Variants in HCN1 observed in about 807,000 individuals in gnomAD.
HCN1 encodes potassium/sodium hyperpolarization-activated cyclic nucleotide-gated channel 1.
A neutral mutation model predicts 78.9 loss-of-function variants in HCN1; 13 were observed. That is an observed-to-expected ratio of 0.16 (90% CI 0.11 to 0.26). The LOEUF is 0.26. Among genes scored for constraint, HCN1 ranks in the 10% least tolerant of loss-of-function variants. The pLI is 1.00. For synonymous variants in HCN1, 552 were observed against 455.5 expected, an observed-to-expected ratio of 1.21 and a Z score of -2.70; for missense variants, 810 against 1,154.3, an observed-to-expected ratio of 0.70 and a Z score of 4.32.
At chr5:45,477,503 T>C (rs772584009) in intron 2 of HCN1, among the ~76,000 whole-genome samples, 1 of 152,150 alleles carries the variant, frequency 6.6e-6, no homozygotes, top group African/African-American at 2.4e-5. Context: ...TAGCTCATAG[T>C]TTTATTGGTG....
chr5:45,501,618 T>G (rs1249344070), intron 2 of HCN1, among the ~76,000 whole-genome samples: 1 of 152,054 alleles, frequency 6.6e-6, no homozygotes, highest in African/African-American at 2.4e-5. Flanking sequence ...TTTTTGTACT[T>G]TTAGTAGAGA....
At chr5:45,499,034 T>C (rs1742125733) in intron 2 of HCN1, among the ~76,000 whole-genome samples, 2 of 152,100 alleles carry the variant, frequency 1.3e-5, no homozygotes, top group Admixed American at 1.3e-4. Flanking sequence ...CTGCTGTCTT[T>C]TTTTGTCTGT....
At chr5:45,600,313 ACTTT>A (rs1169739715) in intron 2 of HCN1, among the ~76,000 whole-genome samples, 2 of 152,080 alleles carry the variant, frequency 1.3e-5, no homozygotes, top group African/African-American at 4.8e-5. Flanking sequence ...TATTTTTCCT[ACTTT>A]CTCTCTTTTT....
intron 2 of HCN1, among the ~76,000 whole-genome samples, chr5:45,528,480 G>T (rs1742783449): frequency 6.6e-6 from 1 of 151,818 alleles, no homozygotes; most frequent in Admixed American, 6.6e-5. Flanking sequence ...TTCTGACAAA[G>T]AATTTTTCAT....
chr5:45,671,375 G>T (rs1036592901), intron 1 of HCN1, among the ~76,000 whole-genome samples: 4 of 151,078 alleles, frequency 2.6e-5, no homozygotes, highest in Non-Finnish European at 4.4e-5. Context: ...TAGATTATCT[G>T]CTATTATATA....
chr5:45,606,890 T>C (rs1005499345), intron 2 of HCN1, among the ~76,000 whole-genome samples: 1 of 152,008 alleles, frequency 6.6e-6, no homozygotes, highest in African/African-American at 2.4e-5. Context: ...GAAACTTCTA[T>C]AATGTATTAA....
chr5:45,359,941 G>GTATATA lies in HCN1; in HGVS notation c.1231-6701_1231-6696dup, dbSNP rs145289641. On this transcript the variant is annotated intron_variant, in intron 4 of 7. Coordinates refer to ENST00000303230, the MANE Select transcript of HCN1 (RefSeq NM_021072.4). ...CTATATTCTTGACTTTTGACTTTGA[G>GTATATA]TATATATATATATATATATTTTTTT... is the stretch of plus-strand genomic sequence containing the variant. 6.0e-3 allele frequency among the ~76,000 whole-genome samples: 889 copies of GTATATA among 147,022 alleles called. 3 individuals carry two copies. The highest frequency in any genetic ancestry group is 0.021 in the African/African-American group (858 of 40,316).
intron 3 of HCN1, among the ~76,000 whole-genome samples, chr5:45,408,649 T>C (rs1739972574): frequency 6.6e-6 from 1 of 152,182 alleles, no homozygotes; most frequent in Admixed American, 6.6e-5. Flanking sequence ...CATTGCTAAG[T>C]ACTATTAATG....
chr5:45,428,486 C>G lies in HCN1; in HGVS notation c.1012-31776G>C, dbSNP rs566830902. On this transcript the variant is annotated intron_variant, in intron 3 of 7. Coordinates refer to ENST00000303230, the MANE Select transcript of HCN1 (RefSeq NM_021072.4). ...TCATTTAAAAAAAATTCATGTCACT[C>G]TAATTCACTGTGTACTCATAAATTT... Among the ~76,000 whole-genome samples the G allele has an allele frequency of 2.6e-5, 4 of 152,146 alleles. No individual in the cohort carries two copies. In the Middle Eastern group the frequency reaches 0.01, roughly 388 times the overall value.
chr5:45,467,969 T>C (rs912063240), intron 2 of HCN1, among the ~76,000 whole-genome samples: 1 of 152,144 alleles, frequency 6.6e-6, no homozygotes, highest in Non-Finnish European at 1.5e-5. Context: ...AGAGCTGGCC[T>C]GCCTTACAGG....
At chr5:45,685,368 C>G (rs939300043) in intron 1 of HCN1, among the ~76,000 whole-genome samples, 2 of 152,136 alleles carry the variant, frequency 1.3e-5, no homozygotes, top group African/African-American at 4.8e-5. Flanking sequence ...CGGTAGCATT[C>G]TATACCAACT....
intron 1 of HCN1, among the ~76,000 whole-genome samples, chr5:45,684,869 A>AAATAAAC (rs1221619565): frequency 1.3e-5 from 2 of 152,214 alleles, no homozygotes; most frequent in Non-Finnish European, 2.9e-5. Context: ...CTCAAAAAAC[A>AAATAAAC]AATAAACAAA....
chr5:45,641,729 C>T (rs1422463987), intron 2 of HCN1: 1 of 152,138 alleles, frequency 6.6e-6, no homozygotes, highest in South Asian at 2.1e-4. Flanking sequence ...ATTTCCTAAA[C>T]CTCTAAAAAA....
At chr5:45,337,428 G>A (rs1746484975) in intron 5 of HCN1, among the ~76,000 whole-genome samples, 1 of 152,024 alleles carries the variant, frequency 6.6e-6, no homozygotes, top group Non-Finnish European at 1.5e-5. Flanking sequence ...TTTGTTTTGA[G>A]CATCACTTTT....
At chr5:45,482,283 G>A (rs1218587164) in intron 2 of HCN1, among the ~76,000 whole-genome samples, 1 of 152,162 alleles carries the variant, frequency 6.6e-6, no homozygotes, top group East Asian at 1.9e-4. Context: ...CAGTGGCAGG[G>A]AAAGGGGCTT....
At chr5:45,593,598 C>T (rs1744429420) in intron 2 of HCN1, among the ~76,000 whole-genome samples, 2 of 151,730 alleles carry the variant, frequency 1.3e-5, no homozygotes, top group Admixed American at 1.3e-4. Context: ...GAAGCAAAAA[C>T]AATGTGTTCT....
chr5:45,525,091 C>A (rs1742706536), intron 2 of HCN1, among the ~76,000 whole-genome samples: 2 of 152,040 alleles, frequency 1.3e-5, no homozygotes, highest in Admixed American at 6.6e-5. Context: ...TTGTCAAAGG[C>A]CTTTTCTGCC....
chr5:45,265,928 C>A (rs1744847591), intron 7 of HCN1, among the ~76,000 whole-genome samples: 1 of 151,952 alleles, frequency 6.6e-6, no homozygotes. Flanking sequence ...AGGAACTGGG[C>A]TTAGTAGGGA....
At chr5:45,409,146 T>C (rs563738470) in intron 3 of HCN1, among the ~76,000 whole-genome samples, 18 of 152,222 alleles carry the variant, frequency 1.2e-4, no homozygotes, top group Non-Finnish European at 2.2e-4. Flanking sequence ...AACAAGAGAC[T>C]ATATAAAAGG....
Sources: allele counts gnomAD v4.1 joint callset (sites outside exome capture counted in the v4.1 genomes callset), GRCh38; gene constraint gnomAD v4.1.1; transcripts MANE v1.5; gene names NCBI Gene and HGNC (gene_info 2026-07-23, HGNC 2026-07-21).